The following TMEM214 variants were observed in gnomAD, a reference collection of about 807,000 sequenced individuals.
The protein encoded by TMEM214 is transmembrane protein 214.
Under a neutral mutation model 89.8 loss-of-function variants are expected in TMEM214, and 71 were observed. That is an observed-to-expected ratio of 0.79 (90% CI 0.65 to 0.96). The LOEUF is 0.96. TMEM214 is among the 40% of genes least tolerant of loss of function. The pLI is 0.00. For missense variants in TMEM214, 754 were observed against 843.4 expected (o/e 0.89, Z 1.31); for synonymous variants, 332 against 349.5 (o/e 0.95, Z 0.56).
chr2:27,036,895 AC>A, intron 7 of TMEM214, 109 bp downstream of exon 7: 2 of 1,249,770 alleles, frequency 1.6e-6, no homozygotes, highest in Admixed American at 1.7e-5. Flanking sequence ...GAAAATCAGG[AC>A]CAGCTTCTCC....
Position 27,037,158 on chromosome 2 carries a change from G to A in TMEM214, c.990G>A (p.Pro330=), listed in dbSNP as rs376386408. The stretch of plus-strand genomic sequence containing the variant: ...CACTTCTGGACTTTGCCTATATGCC[G>A]AACAACTCCCTGACACCCAGGTAGG... The part of the protein sequence containing the change: ...FFPLLDFAYM[P]NNSLTPSLQE... The change falls in exon 8 of 17, where the codon CCG becomes CCA. Residue 330 remains proline, a synonymous_variant. Coordinates refer to ENST00000238788, the MANE Select transcript of TMEM214 (RefSeq NM_017727.5). 14 of 1,613,694 alleles carry A rather than the reference G, an allele frequency of 8.7e-6. No homozygotes were observed. Among genetic ancestry groups the A allele is most frequent in the South Asian group, 4.4e-5 (4 of 91,052 alleles).
At position 27,038,712 on chromosome 2, in the gene TMEM214, C is replaced by G. The variant is rs1024504671; in HGVS notation, c.1304C>G (p.Ser435Cys). 13 of 1,613,970 alleles carry G rather than the reference C, an allele frequency of 8.1e-6. No individual in the cohort carries two copies. The highest frequency in any genetic ancestry group is 3.3e-5 in the Admixed American group (2 of 59,978). The part of the protein sequence containing the change: ...WEQIPKKVQK[S>C]LQETIQSLKL... ...CTTTCTTGTCCATAGGTACAGAAGT[C>G]TTTGCAAGAAACCATTCAGTCCCTC... is the stretch of plus-strand genomic sequence containing the variant. Residue 435 changes from serine to cysteine, a missense_variant, in exon 12 of 17, where the codon TCT becomes TGT. Physicochemically the swap from Ser to Cys is moderately radical, Grantham distance 112. Coordinates refer to ENST00000238788, the MANE Select transcript of TMEM214 (RefSeq NM_017727.5). This position sits in a 1 kb window ranked among gnomAD's most constrained non-coding sequence, Gnocchi z 4.4.
At position 27,041,082 on chromosome 2, in the gene TMEM214, C is replaced by T. The variant is rs117307953; in HGVS notation, c.*245C>T. ...GGCCCTACTGCACATGGCCCCCAGC[C>T]TCCATCCTTGTGCTGGTAGCCTCTC... On this transcript the variant is annotated 3_prime_UTR_variant, in exon 17 of 17. Coordinates refer to ENST00000238788, the MANE Select transcript of TMEM214 (RefSeq NM_017727.5). The T allele has an allele frequency of 1.2e-3, 582 of 489,526 alleles. 4 individuals carry two copies. In the East Asian group the frequency reaches 0.019, roughly 16 times the overall value. The allele number at this position is 489,526 out of a possible 1,614,324, so 30.3% of individuals were successfully genotyped here.
chr2:27,035,329 A>C, intron 3 of TMEM214, 44 bp downstream of exon 3: 3 of 1,612,764 alleles, frequency 1.9e-6, no homozygotes, highest in Non-Finnish European at 2.5e-6. Flanking sequence ...GTTCAAATAA[A>C]TTCAAAAAGG....
rs776731148 is a variant in TMEM214 at position 27,038,196 on chromosome 2, C to G, written c.1203C>G (p.Ser401Arg). Residue 401 changes from serine to arginine, a missense_variant, in exon 10 of 17, where the codon AGC (serine) becomes AGG (arginine). Coordinates refer to ENST00000238788, the MANE Select transcript of TMEM214 (RefSeq NM_017727.5). The surrounding 1 kb of genome is among the most constrained non-coding windows in gnomAD (Gnocchi z 4.4). The stretch of plus-strand genomic sequence containing the variant: ...TGACGGTGGACCCCCTCAGTGCCAG[C>G]GTCTGGAGGCAGCTGTACCCTAAGC... Reference protein sequence around the residue: ...ECLTVDPLSASVWRQLYPKHL... With the variant: ...ECLTVDPLSARVWRQLYPKHL... The G allele has an allele frequency of 2.4e-5, 38 of 1,614,208 alleles. No individual in the cohort carries two copies. Among genetic ancestry groups the G allele is most frequent in the Non-Finnish European group, 3.1e-5 (37 of 1,180,032 alleles).
chr2:27,036,624 G>A, intron 6 of TMEM214, 32 bp downstream of exon 6: 1 of 1,613,100 alleles, frequency 6.2e-7, no homozygotes, highest in Non-Finnish European at 8.5e-7. Flanking sequence ...AAGAGGGAGG[G>A]TCTCGGAGCT....
chr2:27,035,508 C>A (rs1667515733), intron 3 of TMEM214, 86 bp from the exon 4 acceptor site: 2 of 1,570,338 alleles, frequency 1.3e-6, no homozygotes, highest in African/African-American at 2.7e-5. Flanking sequence ...TTTGCCTCCA[C>A]TCACCATTCC....
At chr2:27,036,658 C>A in intron 6 of TMEM214, 47 bp from the exon 7 acceptor site, 1 of 1,612,670 alleles carries the variant, frequency 6.2e-7, no homozygotes, top group South Asian at 1.1e-5. Flanking sequence ...TTGATGCCCC[C>A]AGTAGGTGCA....
rs1160175114 is a variant in TMEM214 at position 27,038,787 on chromosome 2, A to G, written c.1379A>G (p.Asp460Gly). 1 of 1,614,130 alleles carries G rather than the reference A, an allele frequency of 6.2e-7. No homozygotes were observed. The highest frequency in any genetic ancestry group is 1.3e-5 in the African/African-American group (1 of 75,048). ...AGGAAGGGTAGCAGTAACAACCAGGATGTCGTCACCTGTGACATGGCCTGC... is the reference window on the plus strand; with the variant it reads ...AGGAAGGGTAGCAGTAACAACCAGGGTGTCGTCACCTGTGACATGGCCTGC... ...LLRKGSSNNQ[D>G]VVTCDMACKG... Residue 460 changes from aspartate (D) to glycine (G), a missense_variant, in exon 12 of 17, where the codon GAT (aspartate) becomes GGT (glycine). Asp to Gly is a moderately conservative substitution (Grantham distance 94). Coordinates refer to ENST00000238788, the MANE Select transcript of TMEM214 (RefSeq NM_017727.5). This position sits in a 1 kb window ranked among gnomAD's most constrained non-coding sequence, Gnocchi z 4.4.
At chr2:27,034,483 G>T in intron 2 of TMEM214, 2 of 572,102 alleles carry the variant, frequency 3.5e-6, no homozygotes, top group Non-Finnish European at 6.1e-6. Context: ...ACATGGATTG[G>T]TAAGAGGAAA....
intron 9 of TMEM214, 177 bp downstream of exon 9, chr2:27,037,879 GAC>G (rs1667637578): frequency 6.4e-7 from 1 of 1,555,028 alleles, no homozygotes; most frequent in African/African-American, 1.4e-5. Flanking sequence ...GATCCCAAGA[GAC>G]AGCACATTCA....
chr2:27,034,417 A>T, intron 2 of TMEM214, 151 bp downstream of exon 2: 1 of 832,778 alleles, frequency 1.2e-6, no homozygotes, highest in South Asian at 1.9e-5. Flanking sequence ...TGGAAACCCC[A>T]GGGGAACAGA....
In TMEM214 at chr2:27,035,425, T is replaced by C; in HGVS notation, c.502+140T>C. The C allele has an allele frequency of 2.8e-6, 4 of 1,416,028 alleles. No individual in the cohort carries two copies. The South Asian group carries it at 3.9e-5, about 14-fold the overall frequency. The allele number at this position is 1,416,028 out of a possible 1,614,324, so 87.7% of individuals were successfully genotyped here. A position where few individuals can be genotyped will look rare whatever the true frequency, so the allele number is the denominator to read the frequency against. ...TCTCAAATCATCGTGACTGTGAATG[T>C]TTCTGGGCCTCATTCTGTGATCCTC... On this transcript the variant is annotated intron_variant, in intron 3 of 16. Coordinates refer to ENST00000238788, the MANE Select transcript of TMEM214 (RefSeq NM_017727.5).
chr2:27,034,351 C>G, intron 2 of TMEM214, 85 bp downstream of exon 2: 1 of 1,452,406 alleles, frequency 6.9e-7, no homozygotes, highest in Non-Finnish European at 9.4e-7. Flanking sequence ...GGATGGGCAG[C>G]TGAGATCCTA....
At chr2:27,040,296 G>A (rs779360645) in intron 15 of TMEM214, 49 bp from the exon 16 acceptor site, 16 of 1,611,166 alleles carry the variant, frequency 9.9e-6, no homozygotes, top group Non-Finnish European at 1.3e-5. Flanking sequence ...TTTAGGGCCA[G>A]GATGCAGTTC....
At position 27,033,086 on chromosome 2, in the gene TMEM214, CCGGCGCCGGCGGCCGAGGAGG is replaced by C. The variant is rs1356499143; in HGVS notation, c.76_96del (p.Ala26_Gly32del). 64 of 1,244,094 alleles carry C rather than the reference CCGGCGCCGGCGGCCGAGGAGG, an allele frequency of 5.1e-5. 2 individuals are homozygous for C. In the Middle Eastern group the frequency reaches 1.4e-3, roughly 27 times the overall value. 77.1% of individuals were successfully genotyped at this position (1,244,094 alleles called of 1,614,324 possible). Reference sequence around the variant, plus strand: ...AAGGGTCGGCGGCCTGGGGTCGGCGCCGGCGCCGGCGGCCGAGGAGGCGGCAGGAACCGCAGGGCGCTCGGG... The same window carrying C: ...AAGGGTCGGCGGCCTGGGGTCGGCGCCGGCAGGAACCGCAGGGCGCTCGGG... On this transcript the variant is annotated inframe_deletion, in exon 1 of 17. Transcript: ENST00000238788.
chr2:27,039,001 C>T, intron 12 of TMEM214, 46 bp from the exon 13 acceptor site: 1 of 1,595,346 alleles, frequency 6.3e-7, no homozygotes. Flanking sequence ...GAGGCAAAGA[C>T]CAGCCCCTCG....
chr2:27,035,971 G>A lies in TMEM214; in HGVS notation c.639G>A (p.Gly213=). Residue 213 remains glycine, a splice_region_variant and synonymous_variant, in exon 5 of 17, where the codon GGG becomes GGA. Coordinates refer to ENST00000238788, the MANE Select transcript of TMEM214 (RefSeq NM_017727.5). The part of the protein sequence containing the change: ...TMLQELDKTP[G]ESLHGYRICI... ...GTGTGAGAATGTGTATCTCTCCAGG[G>A]GAGTCACTACATGGTTACCGCATCT... The A allele has an allele frequency of 6.2e-7, 1 of 1,614,078 alleles. No individual in the cohort carries two copies. Among genetic ancestry groups the A allele is most frequent in the Non-Finnish European group, 8.5e-7 (1 of 1,179,964 alleles).
chr2:27,036,169 G>T, intron 5 of TMEM214, 117 bp downstream of exon 5: 1 of 878,546 alleles, frequency 1.1e-6, no homozygotes, highest in South Asian at 1.5e-5. Flanking sequence ...TAGTAATAAT[G>T]GGTAACACTA....
Sources: allele counts gnomAD v4.1 joint callset, GRCh38; gene constraint gnomAD v4.1.1; non-coding constraint Gnocchi (gnomAD v3.1); transcripts MANE v1.5; gene names NCBI Gene and HGNC (gene_info 2026-07-23, HGNC 2026-07-21).